Variants in NEDD1 observed in about 807,000 individuals in gnomAD.
NEDD1 encodes protein NEDD1.
In NEDD1, 33 loss-of-function variants were observed where a neutral mutation model predicts 74.0. That is an observed-to-expected ratio of 0.45 (90% CI 0.34 to 0.60). NEDD1 has a LOEUF of 0.60. Among genes scored for constraint, NEDD1 ranks in the 20% least tolerant of loss-of-function variants. NEDD1 has a pLI of 0.01. For missense variants in NEDD1, 746 were observed against 776.5 expected (o/e 0.96, Z 0.47); for synonymous variants, 250 against 264.4 (o/e 0.95, Z 0.53).
At chr12:96,934,482 CTTTCTTTTCT>C (rs574648254) in intron 6 of NEDD1, among the ~76,000 whole-genome samples, 1 of 150,744 alleles carries the variant, frequency 6.6e-6, no homozygotes, top group Non-Finnish European at 1.5e-5. Context: ...ATTTGTTACC[CTTTCTTTTCT>C]TTTCTTTTCT....
At chr12:96,912,934 T>A (rs1221997497) in intron 4 of NEDD1, 117 bp downstream of exon 4, 12 of 583,486 alleles carry the variant, frequency 2.1e-5, no homozygotes, top group Non-Finnish European at 3.6e-5. Flanking sequence ...TATTTTTAAC[T>A]TAAGCTCAAA....
intron 2 of NEDD1, among the ~76,000 whole-genome samples, chr12:96,908,203 A>G (rs11108734): frequency 2.9e-3 from 443 of 152,370 alleles, no homozygotes; most frequent in African/African-American, 0.01. Flanking sequence ...AATGGCTTTT[A>G]GTAGCACTGT....
chr12:96,910,719 A>C (rs893309108), intron 3 of NEDD1, among the ~76,000 whole-genome samples: 1 of 151,962 alleles, frequency 6.6e-6, no homozygotes, highest in African/African-American at 2.4e-5. Flanking sequence ...TGCCTGAATC[A>C]CTCCCAGTAG....
rs555827019 is a variant in NEDD1, at chr12:96,938,129, G to GT, written c.1117+745dup. ...TACTTGGGCAAAAATATTTATTGGT[G>GT]TTTTTTTTTAGCATGATTTTGCTAT... On this transcript the variant is annotated intron_variant, in intron 9 of 15. Transcript: ENST00000266742. Among the ~76,000 whole-genome samples, 120 of 150,422 alleles carry GT rather than the reference G, an allele frequency of 8.0e-4. No homozygotes were observed. In the South Asian group the frequency reaches 9.1e-3, roughly 11 times the overall value.
At chr12:96,932,463 A>AAAAAAAAAAAAAATATATATATAT in intron 6 of NEDD1, among the ~76,000 whole-genome samples, 1 of 9,438 alleles carries the variant, frequency 1.1e-4, no homozygotes, top group African/African-American at 3.4e-4. Context: ...AAAAAAAAAA[A>AAAAAAAAAAAAAATATATATATAT]ATATATATAT....
intron 14 of NEDD1, 81 bp downstream of exon 14, chr12:96,945,930 T>A: frequency 2.4e-6 from 2 of 845,764 alleles, no homozygotes; most frequent in Non-Finnish European, 3.8e-6. Flanking sequence ...ATAGATAATG[T>A]TGTTGGTTAC....
intron 3 of NEDD1, 34 bp downstream of exon 3, chr12:96,909,929 CACACAA>C: frequency 6.3e-7 from 1 of 1,585,374 alleles, no homozygotes; most frequent in Non-Finnish European, 8.5e-7. Flanking sequence ...CACACACACA[CACACAA>C]ACCGCTTATT....
Position 96,930,199 on chromosome 12 carries a change from A to T in NEDD1, c.490-4777A>T, listed in dbSNP as rs376801876. The stretch of plus-strand genomic sequence containing the variant: ...CACACACACACACACACACACACAC[A>T]CACACACACACACTCTCTCTCTCTC... On this transcript the variant is annotated intron_variant, in intron 6 of 15. Transcript: ENST00000266742. 5.6e-3 allele frequency among the ~76,000 whole-genome samples: 352 copies of T among 63,362 alleles called. 1 individual carries two copies. The highest frequency in any genetic ancestry group is 0.015 in the South Asian group (28 of 1,850). The allele number at this position is 63,362 out of a possible 152,430, so 41.6% of individuals were successfully genotyped here.
intron 11 of NEDD1, 51 bp downstream of exon 11, chr12:96,942,675 A>G (rs752397350): frequency 1.1e-6 from 1 of 876,972 alleles, no homozygotes; most frequent in South Asian, 1.4e-5. Flanking sequence ...GAATTGTATT[A>G]TCTATGCTGT....
At chr12:96,948,381 T>C (rs1878399858) in intron 14 of NEDD1, among the ~76,000 whole-genome samples, 1 of 152,188 alleles carries the variant, frequency 6.6e-6, no homozygotes, top group Admixed American at 6.5e-5. Context: ...AAAAATCTTA[T>C]TAAAATTTCA....
In NEDD1 at chr12:96,920,006, T is replaced by A; in HGVS notation, c.370T>A (p.Cys124Ser). Residue 124 changes from cysteine (C) to serine (S), a missense_variant, in exon 6 of 16, where the codon TGT becomes AGT. Transcript: ENST00000266742. ...TCAGGATCATAAAGATCAAGTAACT[T>A]GTGTAACATACAATTGGAATGATTG... ...SLKDHKDQVT[C>S]VTYNWNDCYI... 6.2e-7 allele frequency: 1 copy of A among 1,606,672 alleles called. No individual in the cohort carries two copies. Among genetic ancestry groups the A allele is most frequent in the Non-Finnish European group, 8.5e-7 (1 of 1,174,252 alleles).
chr12:96,928,204 A>C (rs1382296451), intron 6 of NEDD1, among the ~76,000 whole-genome samples: 1 of 152,050 alleles, frequency 6.6e-6, no homozygotes, highest in Non-Finnish European at 1.5e-5. Flanking sequence ...TTGTCCAATC[A>C]TGTTTTCTGC....
intron 14 of NEDD1, among the ~76,000 whole-genome samples, chr12:96,950,367 A>G (rs944665985): frequency 1.3e-5 from 2 of 151,972 alleles, no homozygotes; most frequent in Non-Finnish European, 2.9e-5. Flanking sequence ...ATGATTTTGT[A>G]AAAGTATACA....
chr12:96,917,421 A>G (rs1010673303), intron 4 of NEDD1, among the ~76,000 whole-genome samples, 200 bp from the exon 5 acceptor site: 7 of 152,118 alleles, frequency 4.6e-5, no homozygotes, highest in Non-Finnish European at 8.8e-5. Context: ...TCCTTGAAGC[A>G]TTTTTGACCC....
intron 3 of NEDD1, 82 bp downstream of exon 3, chr12:96,909,977 G>A: frequency 6.8e-7 from 1 of 1,467,518 alleles, no homozygotes; most frequent in African/African-American, 1.4e-5. Flanking sequence ...TGAAACTTTT[G>A]CATGTGCCTC....
At chr12:96,927,768 A>G (rs942003686) in intron 6 of NEDD1, among the ~76,000 whole-genome samples, 6 of 152,166 alleles carry the variant, frequency 3.9e-5, no homozygotes, top group African/African-American at 1.4e-4. Flanking sequence ...TTTTAGAAAT[A>G]ATAGTTTTCT....
At chr12:96,921,662 A>ATT (rs57918937) in intron 6 of NEDD1, among the ~76,000 whole-genome samples, 67,901 of 149,134 alleles carry the variant, frequency 0.46, 15,439 homozygotes, top group South Asian at 0.53. Context: ...TAGAAGAGGG[A>ATT]TTTTTTTTTT....
At chr12:96,928,042 A>G (rs1332882981) in intron 6 of NEDD1, among the ~76,000 whole-genome samples, 1 of 152,196 alleles carries the variant, frequency 6.6e-6, no homozygotes, top group Admixed American at 6.5e-5. Flanking sequence ...CATAAAATAA[A>G]TGGATAATCT....
chr12:96,916,304 T>C (rs983304772), intron 4 of NEDD1, among the ~76,000 whole-genome samples: 8 of 148,886 alleles, frequency 5.4e-5, no homozygotes, highest in African/African-American at 2.0e-4. Context: ...GTGCACATTG[T>C]GCAGGTTAGT....
Sources: gnomAD v4.1 joint callset for allele counts (sites outside exome capture counted in the v4.1 genomes callset) on GRCh38, gnomAD v4.1.1 for gene constraint, MANE v1.5 for transcripts, NCBI Gene and HGNC (gene_info 2026-07-23, HGNC 2026-07-21) for gene names.